Variants in LRRC37A2 observed in about 807,000 individuals in gnomAD.
LRRC37A2 encodes the protein leucine-rich repeat-containing protein 37A2.
In LRRC37A2, 9 loss-of-function variants were observed where a neutral mutation model predicts 68.8. The observed-to-expected ratio is 0.13, with a 90% CI of 0.08 to 0.23. The LOEUF (loss-of-function observed/expected upper bound fraction) is 0.23. Among genes scored for constraint, LRRC37A2 ranks in the 10% least tolerant of loss-of-function variants. LRRC37A2 has a pLI of 1.00. For synonymous variants in LRRC37A2, 63 were observed against 367.6 expected (o/e 0.17, Z 9.48); for missense variants, 168 against 950.4 (o/e 0.18, Z 10.82).
chr17:46,860,945 A>G, the LRRC37A2 span, among the ~76,000 whole-genome samples: 1 of 152,062 alleles, frequency 6.6e-6, no homozygotes, highest in Non-Finnish European at 1.5e-5. Context: ...GGCAGCCTTG[A>G]ACTCCTGACC....
the LRRC37A2 span, among the ~76,000 whole-genome samples, chr17:46,886,929 G>T: frequency 6.6e-6 from 1 of 152,272 alleles, no homozygotes; most frequent in South Asian, 2.1e-4. Context: ...CAATTCTCCT[G>T]CCTCAGCCTC....
the LRRC37A2 span, among the ~76,000 whole-genome samples, chr17:46,608,915 T>G: frequency 6.6e-6 from 1 of 151,906 alleles, no homozygotes; most frequent in Non-Finnish European, 1.5e-5. Context: ...TTCTAAGTGG[T>G]GATGAGGATG....
At chr17:47,018,683 G>A in the LRRC37A2 span, 1 of 1,520,420 alleles carries the variant, frequency 6.6e-7, no homozygotes, top group Admixed American at 1.7e-5. Flanking sequence ...CCCAGCAGGA[G>A]GCTGCAGCTG....
At chr17:46,631,076 A>ACACACACACACACACACACACG in the LRRC37A2 span, among the ~76,000 whole-genome samples, 2 of 144,698 alleles carry the variant, frequency 1.4e-5, no homozygotes, top group African/African-American at 5.6e-5. Context: ...ACACACACAC[A>ACACACACACACACACACACACG]CACACACACA....
chr17:46,525,573 T>A (rs1203970085), intron 6 of LRRC37A2, among the ~76,000 whole-genome samples: 1 of 101,818 alleles, frequency 9.8e-6, no homozygotes, highest in Non-Finnish European at 2.1e-5. Context: ...AGGGACAGAG[T>A]GAGACTCTGT....
the LRRC37A2 span, among the ~76,000 whole-genome samples, chr17:46,786,818 C>A: frequency 1.3e-5 from 2 of 152,162 alleles, no homozygotes; most frequent in African/African-American, 4.8e-5. Context: ...CTAGTCTTGG[C>A]AACTCAGGGG....
chr17:46,543,825 G>C (rs1050167337), intron 8 of LRRC37A2, among the ~76,000 whole-genome samples: 1 of 150,694 alleles, frequency 6.6e-6, no homozygotes, highest in African/African-American at 2.5e-5. Context: ...CTTGGGGGCA[G>C]AAAAAGAATA....
chr17:46,957,927 G>A, the LRRC37A2 span, among the ~76,000 whole-genome samples: 1 of 152,214 alleles, frequency 6.6e-6, no homozygotes, highest in South Asian at 2.1e-4. Context: ...AGTGTGCCTA[G>A]CATGGCAATG....
chr17:46,568,992 G>C, the LRRC37A2 span, among the ~76,000 whole-genome samples: 1 of 130,746 alleles, frequency 7.6e-6, no homozygotes, highest in African/African-American at 3.0e-5. Context: ...GCCCAGGCTG[G>C]GGTGCAATGG....
chr17:47,015,975 T>C, the LRRC37A2 span, among the ~76,000 whole-genome samples: 1 of 152,126 alleles, frequency 6.6e-6, no homozygotes, highest in South Asian at 2.1e-4. Context: ...ATGGAGTTTC[T>C]CTCTTGTTGC....
At chr17:46,501,236 T>C in the LRRC37A2 span, among the ~76,000 whole-genome samples, 18 of 151,062 alleles carry the variant, frequency 1.2e-4, no homozygotes, top group Admixed American at 2.6e-4. Flanking sequence ...AGGGCAGTGG[T>C]GCGATCTTGG....
the LRRC37A2 span, among the ~76,000 whole-genome samples, chr17:46,736,132 C>T: frequency 6.6e-6 from 1 of 152,164 alleles, no homozygotes; most frequent in East Asian, 1.9e-4. Context: ...CCTGCTTCCC[C>T]ATCTCTCATT....
chr17:46,771,253 A>T, the LRRC37A2 span, among the ~76,000 whole-genome samples: 1 of 152,020 alleles, frequency 6.6e-6, no homozygotes, highest in Admixed American at 6.5e-5. Flanking sequence ...GGGCCGACCG[A>T]GGACGGCGGC....
the LRRC37A2 span, chr17:47,049,067 G>T: frequency 6.2e-6 from 4 of 646,246 alleles, no homozygotes; most frequent in South Asian, 5.4e-5. Context: ...TTTAGGATTG[G>T]GTGTGTGTGT....
At chr17:46,862,023 C>T in the LRRC37A2 span, among the ~76,000 whole-genome samples, 1 of 151,786 alleles carries the variant, frequency 6.6e-6, no homozygotes, top group African/African-American at 2.4e-5. Flanking sequence ...AATAGCTGGG[C>T]GTGGTGACAG....
the LRRC37A2 span, chr17:46,939,486 G>A: frequency 4.1e-6 from 4 of 986,426 alleles, no homozygotes; most frequent in East Asian, 4.5e-4. Context: ...TGTTAATAGA[G>A]TGGTTGGCTT....
the LRRC37A2 span, among the ~76,000 whole-genome samples, chr17:46,882,811 A>C: frequency 1.3e-5 from 2 of 152,158 alleles, no homozygotes; most frequent in Non-Finnish European, 2.9e-5. Context: ...TCCAGCCTTC[A>C]GGGAGGTCCC....
the LRRC37A2 span, chr17:46,922,850 G>A: frequency 2.9e-5 from 11 of 382,944 alleles, no homozygotes; most frequent in Non-Finnish European, 4.8e-5. Context: ...AGATGATAGC[G>A]GCTCGCCTTC....
chr17:46,817,811 A>C, the LRRC37A2 span, among the ~76,000 whole-genome samples: 64 of 152,172 alleles, frequency 4.2e-4, no homozygotes, highest in African/African-American at 1.5e-3. Flanking sequence ...CAACAAGCCT[A>C]CCCCTCCCAG....
Sources: gnomAD v4.1 joint callset for allele counts (sites outside exome capture counted in the v4.1 genomes callset) on GRCh38, gnomAD v4.1.1 for gene constraint, MANE v1.5 for transcripts, NCBI Gene and HGNC (gene_info 2026-07-23, HGNC 2026-07-21) for gene names.